ANGPT4: variants seen among roughly 807,000 people sequenced by gnomAD.
ANGPT4 encodes angiopoietin 4.
Under a neutral mutation model 53.0 loss-of-function variants are expected in ANGPT4, and 50 were observed. That is an observed-to-expected ratio of 0.94 (90% CI 0.75 to 1.20). The LOEUF (loss-of-function observed/expected upper bound fraction) is 1.20. ANGPT4 is among the 50% of genes most tolerant of loss of function. The pLI, the probability that ANGPT4 is intolerant of heterozygous loss-of-function variation, is 0.00. For missense variants in ANGPT4, 648 were observed against 637.1 expected (o/e 1.02, Z -0.18); for synonymous variants, 251 against 259.7 (o/e 0.97, Z 0.32).
intron 1 of ANGPT4, among the ~76,000 whole-genome samples, chr20:905,257 T>C (rs1982434267): frequency 1.3e-5 from 2 of 151,990 alleles, no homozygotes; most frequent in South Asian, 4.2e-4. Flanking sequence ...TTTGTCCAAT[T>C]CCCCCACGAG....
At chr20:904,283 G>C (rs900020847) in intron 1 of ANGPT4, among the ~76,000 whole-genome samples, 4 of 152,156 alleles carry the variant, frequency 2.6e-5, no homozygotes, top group Non-Finnish European at 4.4e-5. Flanking sequence ...TGCAGTAACT[G>C]TGTTTCCATC....
Position 874,492 on chromosome 20 carries a change from G to T in ANGPT4, c.1221-78C>A, listed in dbSNP as rs963565972. On this transcript the variant is annotated intron_variant, in intron 7 of 8. Transcript: ENST00000381922. ...GCTGTGTCGAGCAAGAACTTCCCCA[G>T]TGGCTTTGTCCCAGGCTGGGCTTCC... 68 of 1,576,396 alleles carry T rather than the reference G, an allele frequency of 4.3e-5. 1 individual carries two copies. The South Asian group carries it at 6.7e-4, about 16-fold the overall frequency.
chr20:892,127 A>G (rs1260281805), intron 1 of ANGPT4, among the ~76,000 whole-genome samples: 1 of 144,178 alleles, frequency 6.9e-6, no homozygotes, highest in Admixed American at 7.3e-5. Context: ...AACAGCTTCC[A>G]TCTAAAAACT....
chr20:893,888 C>T (rs763057337), intron 1 of ANGPT4, among the ~76,000 whole-genome samples: 36 of 152,324 alleles, frequency 2.4e-4, no homozygotes, highest in Non-Finnish European at 3.2e-4. Flanking sequence ...TCTGTTTACT[C>T]GCCTTATTCT....
rs1382577865 is a variant in ANGPT4 at position 890,413 on chromosome 20, A to G, written c.310-45T>C. The stretch of plus-strand genomic sequence containing the variant: ...GGGGTCACGGGGGAGGGGCGGGGGA[A>G]GCCCCCTGTCCCTCCCACGTGTCAC... On this transcript the variant is annotated intron_variant, in intron 1 of 8. Transcript: ENST00000381922. 3.2e-6 allele frequency: 5 copies of G among 1,556,576 alleles called. No homozygotes were observed. The East Asian group carries it at 1.1e-4, about 35-fold the overall frequency.
At position 870,350 on chromosome 20, in the gene ANGPT4, G is replaced by A. The variant is rs1600033824; in HGVS notation, c.*2610C>T. 6.6e-6 allele frequency: 1 copy of A among 152,102 alleles called. No individual in the cohort carries two copies. The highest frequency in any genetic ancestry group is 2.4e-5 in the African/African-American group (1 of 41,416). The allele number at this position is 152,102 out of a possible 1,614,324, so 9.4% of individuals were successfully genotyped here. On this transcript the variant is annotated 3_prime_UTR_variant, in exon 9 of 9. Coordinates refer to ENST00000381922, the MANE Select transcript of ANGPT4 (RefSeq NM_015985.4). ...TTGAGACCAGCCTGGCCAACATGGT[G>A]AAAACCCGTTTCTACTAAAAATACA... is the stretch of plus-strand genomic sequence containing the variant.
chr20:905,612 G>A (rs969470314), intron 1 of ANGPT4, among the ~76,000 whole-genome samples: 2 of 152,212 alleles, frequency 1.3e-5, no homozygotes, highest in African/African-American at 4.8e-5. Context: ...GGGTTCCCAG[G>A]AGGGAGGCCC....
chr20:895,218 G>A (rs1042569864), intron 1 of ANGPT4, among the ~76,000 whole-genome samples: 5 of 152,150 alleles, frequency 3.3e-5, no homozygotes, highest in South Asian at 4.2e-4. Flanking sequence ...TCTCTATGCC[G>A]TGCACCGACT....
intron 1 of ANGPT4, among the ~76,000 whole-genome samples, chr20:913,321 C>G (rs950264698): frequency 2.0e-5 from 3 of 152,134 alleles, no homozygotes; most frequent in Non-Finnish European, 2.9e-5. Context: ...CAAGCACTCC[C>G]CACTGGGGAC....
intron 8 of ANGPT4, 42 bp downstream of exon 8, chr20:874,242 G>T (rs1018720957): frequency 6.2e-7 from 1 of 1,610,212 alleles, no homozygotes; most frequent in East Asian, 2.2e-5. Context: ...CAATCTGGGT[G>T]AGCCTGTGGG....
At chr20:900,915 T>C (rs1478849923) in intron 1 of ANGPT4, among the ~76,000 whole-genome samples, 2 of 152,168 alleles carry the variant, frequency 1.3e-5, no homozygotes, top group Admixed American at 1.3e-4. Flanking sequence ...GTGACTTCCA[T>C]TTAGTTTCTC....
At chr20:896,785 G>A (rs1165047891) in intron 1 of ANGPT4, among the ~76,000 whole-genome samples, 3 of 152,092 alleles carry the variant, frequency 2.0e-5, no homozygotes, top group Non-Finnish European at 4.4e-5. Flanking sequence ...CCTTCCCCTG[G>A]GTTGTAGGGA....
intron 1 of ANGPT4, among the ~76,000 whole-genome samples, chr20:890,812 G>A (rs1288111330): frequency 6.6e-6 from 1 of 152,054 alleles, no homozygotes; most frequent in East Asian, 1.9e-4. Flanking sequence ...CGATGCAATG[G>A]CTCCATGACA....
At chr20:890,441 TG>T in intron 1 of ANGPT4, 73 bp from the exon 2 acceptor site, 1 of 1,450,776 alleles carries the variant, frequency 6.9e-7, no homozygotes, top group Non-Finnish European at 9.3e-7. Context: ...CGTGTCACCA[TG>T]GGAGGGCACT....
In ANGPT4 at chr20:901,232, G is replaced by T. The variant is rs190622507; in HGVS notation, c.310-10864C>A. 1.4e-3 allele frequency among the ~76,000 whole-genome samples: 209 copies of T among 152,236 alleles called. 2 individuals are homozygous for T. The highest frequency in any genetic ancestry group is 1.7e-3 in the Non-Finnish European group (119 of 68,020). ...TAATATAAGAAGACAGGAATGTCAG[G>T]CCTCTGAGCCCAAGCCTGCACGTGT... is the stretch of plus-strand genomic sequence containing the variant. On this transcript the variant is annotated intron_variant, in intron 1 of 8. Coordinates refer to ENST00000381922, the MANE Select transcript of ANGPT4 (RefSeq NM_015985.4).
intron 8 of ANGPT4, among the ~76,000 whole-genome samples, chr20:873,921 G>A (rs1419572441): frequency 6.6e-6 from 1 of 152,142 alleles, no homozygotes; most frequent in Admixed American, 6.5e-5. Flanking sequence ...CAGCTGGTGT[G>A]GAGCTGCCCC....
intron 4 of ANGPT4, among the ~76,000 whole-genome samples, chr20:883,235 C>G (rs1981480758): frequency 6.6e-6 from 1 of 152,254 alleles, no homozygotes; most frequent in Non-Finnish European, 1.5e-5. Context: ...AGTGCCCTTC[C>G]TCCTACACAT....
At chr20:882,297 C>T (rs1243183674) in intron 4 of ANGPT4, among the ~76,000 whole-genome samples, 1 of 152,092 alleles carries the variant, frequency 6.6e-6, no homozygotes, top group Non-Finnish European at 1.5e-5. Flanking sequence ...TAGTGGAATC[C>T]AGTTAGAGGT....
At chr20:879,938 AC>A in intron 5 of ANGPT4, 90 bp from the exon 6 acceptor site, 2 of 831,078 alleles carry the variant, frequency 2.4e-6, no homozygotes, top group Non-Finnish European at 3.7e-6. Flanking sequence ...AAGCAGACAG[AC>A]CCCCACAGAG....
Sources: allele counts gnomAD v4.1 joint callset (sites outside exome capture counted in the v4.1 genomes callset), GRCh38; gene constraint gnomAD v4.1.1; transcripts MANE v1.5; gene names NCBI Gene and HGNC (gene_info 2026-07-23, HGNC 2026-07-21).